Variants in MAST4 observed in about 807,000 individuals in gnomAD.
MAST4 encodes the protein microtubule-associated serine/threonine-protein kinase 4.
Under a neutral mutation model 162.7 loss-of-function variants are expected in MAST4, and 89 were observed. That is an observed-to-expected ratio of 0.55 (90% confidence interval 0.46 to 0.65). MAST4 has a LOEUF of 0.65. MAST4 is among the 30% of genes least tolerant of loss of function. MAST4 has a pLI of 0.00. For missense variants in MAST4, 3,153 were observed against 3,374.0 expected, an observed-to-expected ratio of 0.93 and a Z score of 1.62; for synonymous variants, 1,479 against 1,361.1, an observed-to-expected ratio of 1.09 and a Z score of -1.91.
intron 1 of MAST4, among the ~76,000 whole-genome samples, chr5:66,651,510 C>T (rs148827967): frequency 9.5e-4 from 145 of 152,114 alleles, no homozygotes; most frequent in African/African-American, 3.2e-3. Flanking sequence ...TAATTTGGGA[C>T]AGCAACCAAT....
intron 4 of MAST4, among the ~76,000 whole-genome samples, chr5:66,935,773 T>C (rs1742679396): frequency 1.3e-5 from 2 of 151,848 alleles, no homozygotes; most frequent in South Asian, 4.2e-4. Flanking sequence ...GTTCAAGCAA[T>C]TCTCCTGCCT....
chr5:66,881,525 G>T (rs1483017582), intron 3 of MAST4, among the ~76,000 whole-genome samples: 2 of 152,200 alleles, frequency 1.3e-5, no homozygotes, highest in Non-Finnish European at 2.9e-5. Context: ...AATTGTGACA[G>T]CCCCACCTCT....
intron 4 of MAST4, among the ~76,000 whole-genome samples, chr5:66,970,736 T>C (rs1225636673): frequency 6.6e-6 from 1 of 152,256 alleles, no homozygotes; most frequent in Non-Finnish European, 1.5e-5. Flanking sequence ...GGGAGCTTGC[T>C]ACATGCCTGG....
chr5:66,896,939 T>C (rs1223286284), intron 3 of MAST4, among the ~76,000 whole-genome samples: 1 of 152,214 alleles, frequency 6.6e-6, no homozygotes, highest in Non-Finnish European at 1.5e-5. Flanking sequence ...TTTTATTTAA[T>C]CTTTATCTTT....
intron 16 of MAST4, 130 bp from the exon 17 acceptor site, chr5:67,133,384 C>T: frequency 1.0e-6 from 1 of 962,700 alleles, no homozygotes; most frequent in South Asian, 1.7e-5. Flanking sequence ...TCTTTCCAGG[C>T]TGGGTTTTGT....
Position 67,165,315 on chromosome 5 carries a change from G to T in MAST4, c.6136G>T (p.Asp2046Tyr). 5 of 1,613,614 alleles carry T rather than the reference G, an allele frequency of 3.1e-6. No individual in the cohort carries two copies. The highest frequency in any genetic ancestry group is 4.2e-6 in the Non-Finnish European group (5 of 1,179,890). ...WAPGGKTNHK[D>Y]GPGEARPPPR... ...GCCGGGTGGGAAAACGAACCACAAA[G>T]ATGGCCCAGGTGAGGCGAGGCCCCC... Residue 2046 changes from aspartate (D) to tyrosine (Y), a missense_variant, in exon 29 of 29, where the codon GAT becomes TAT. Transcript: ENST00000403625.
At position 67,117,300 on chromosome 5, in the gene MAST4, AAGC is replaced by A. The variant is rs1351410227; in HGVS notation, c.1592-1381_1592-1379del. 5.3e-5 allele frequency among the ~76,000 whole-genome samples: 8 copies of A among 152,176 alleles called. No individual in the cohort carries two copies. The East Asian group carries it at 1.5e-3, about 29-fold the overall frequency. On this transcript the variant is annotated intron_variant, in intron 12 of 28. Transcript: ENST00000403625. The stretch of plus-strand genomic sequence containing the variant: ...ACGAAGAAAGGACATAGTTTGTGCT[AAGC>A]TCCTTTTTATTCTGGAATTTCCCCT...
intron 10 of MAST4, among the ~76,000 whole-genome samples, chr5:67,106,647 G>A (rs1238902376): frequency 1.3e-5 from 2 of 152,112 alleles, no homozygotes; most frequent in East Asian, 3.8e-4. Flanking sequence ...CTTTTATGCA[G>A]CTGCAAGAAT....
intron 4 of MAST4, among the ~76,000 whole-genome samples, chr5:66,999,197 C>T (rs1167254851): frequency 6.6e-6 from 1 of 152,172 alleles, no homozygotes; most frequent in Non-Finnish European, 1.5e-5. Context: ...TGTTTTCTGG[C>T]AGTGTGTCCA....
Position 67,165,170 on chromosome 5 carries a change from C to T in MAST4, c.5991C>T (p.Ser1997=). 2 of 1,602,860 alleles carry T rather than the reference C, an allele frequency of 1.2e-6. No homozygotes were observed. Among genetic ancestry groups the T allele is most frequent in the Non-Finnish European group, 1.7e-6 (2 of 1,174,572 alleles). Residue 1997 remains serine (S), a synonymous_variant, in exon 29 of 29, where the codon TCC becomes TCT. Transcript: ENST00000403625. ...AARADTCREP[S]MELCFPETAK... ...GGGCTGACACATGCAGAGAGCCCTCCATGGAACTGTGCTTTCCAGAAACTG... is the reference window on the plus strand; with the variant it reads ...GGGCTGACACATGCAGAGAGCCCTCTATGGAACTGTGCTTTCCAGAAACTG...
chr5:66,643,684 A>T (rs1046934216), intron 1 of MAST4, among the ~76,000 whole-genome samples: 2 of 152,054 alleles, frequency 1.3e-5, no homozygotes, highest in Non-Finnish European at 1.5e-5. Context: ...TGCTAGTCAA[A>T]GTGAATTTCT....
chr5:66,912,340 T>C (rs1341867060), intron 4 of MAST4, among the ~76,000 whole-genome samples: 2 of 152,226 alleles, frequency 1.3e-5, no homozygotes, highest in Non-Finnish European at 2.9e-5. Flanking sequence ...TATTTAAGCA[T>C]ATAAACCATA....
intron 4 of MAST4, among the ~76,000 whole-genome samples, chr5:67,021,390 CTA>C (rs1164400028): frequency 6.6e-6 from 1 of 152,144 alleles, no homozygotes; most frequent in Non-Finnish European, 1.5e-5. Context: ...TTATTTCTCA[CTA>C]TATATTGCAA....
intron 1 of MAST4, among the ~76,000 whole-genome samples, chr5:66,706,803 A>C (rs1320887898): frequency 6.6e-6 from 1 of 152,170 alleles, no homozygotes; most frequent in African/African-American, 2.4e-5. Context: ...ACTGTTGCAG[A>C]ATTACTCATT....
At position 67,163,001 on chromosome 5, in the gene MAST4, A is replaced by T. The variant is rs1773385848; in HGVS notation, c.3968-146A>T. 9.0e-7 allele frequency: 1 copy of T among 1,105,526 alleles called. No homozygotes were observed. Among genetic ancestry groups the T allele is most frequent in the South Asian group, 1.5e-5 (1 of 64,828 alleles). 68.5% of individuals were successfully genotyped at this position (1,105,526 alleles called of 1,614,324 possible). A position where few individuals can be genotyped will look rare whatever the true frequency, so the allele number is the denominator to read the frequency against. On this transcript the variant is annotated intron_variant, in intron 28 of 28. Coordinates refer to ENST00000403625, the MANE Select transcript of MAST4 (RefSeq NM_001164664.2). The surrounding 1 kb of genome is among the most constrained non-coding windows in gnomAD (Gnocchi z 7.0). ...GCTAAACCTTGGCCTGGAGAGGTTT[A>T]TCTGAAAAGTGTTTATTCCACTAGC... is the stretch of plus-strand genomic sequence containing the variant.
In MAST4 at chr5:67,166,439, A is replaced by C; in HGVS notation, c.7260A>C (p.Lys2420Asn). ...VGKGFPEARG[K>N]GPGPQKPPTE... ...AGGGCTTCCCTGAGGCCAGAGGGAA[A>C]GGGCCCGGTCCCCAGAAGCCACCGA... is the stretch of plus-strand genomic sequence containing the variant. The change falls in exon 29 of 29, where the codon AAA (lysine) becomes AAC (asparagine). Residue 2420 changes from lysine (K) to asparagine (N), a missense_variant. This residue lies in a region of MAST4 where 1,644 missense variants were observed against 1,495.0 expected (regional missense o/e 1.10). Coordinates refer to ENST00000403625, the MANE Select transcript of MAST4 (RefSeq NM_001164664.2). The C allele has an allele frequency of 6.2e-7, 1 of 1,603,414 alleles. No homozygotes were observed. The highest frequency in any genetic ancestry group is 8.5e-7 in the Non-Finnish European group (1 of 1,174,786).
chr5:66,925,156 G>T (rs1460338076), intron 4 of MAST4, among the ~76,000 whole-genome samples: 8 of 152,056 alleles, frequency 5.3e-5, no homozygotes, highest in Non-Finnish European at 1.2e-4. Context: ...TTCCAGCTGG[G>T]AAGTACTTTC....
Position 67,164,219 on chromosome 5 carries a change from C to G in MAST4, c.5040C>G (p.Asp1680Glu), listed in dbSNP as rs377195550. ...AKELLRCEKL[D>E]SKLANIDYLR... ...AGCTTCTCCGATGTGAAAAGTTAGA[C>G]AGCAAGCTGGCCAACATCGATTACC... Residue 1680 changes from aspartate (D) to glutamate (E), a missense_variant, in exon 29 of 29, where the codon GAC (aspartate) becomes GAG (glutamate). By Grantham distance (45) the Asp-to-Glu change is conservative. Transcript: ENST00000403625. The surrounding 1 kb of genome is among the most constrained non-coding windows in gnomAD (Gnocchi z 5.3). The G allele has an allele frequency of 6.2e-7, 1 of 1,613,706 alleles. No homozygotes were observed. Among genetic ancestry groups the G allele is most frequent in the Non-Finnish European group, 8.5e-7 (1 of 1,179,774 alleles).
rs553129103 is a variant in MAST4, at chr5:67,019,442, A to T, written c.675-34962A>T. Among the ~76,000 whole-genome samples, 418 of 152,346 alleles carry T rather than the reference A, an allele frequency of 2.7e-3. 4 individuals are homozygous for T. Among genetic ancestry groups the T allele is most frequent in the African/African-American group, 9.8e-3 (407 of 41,582 alleles). On this transcript the variant is annotated intron_variant, in intron 4 of 28. Transcript: ENST00000403625. ...GAAACACTCCAATTACCATCTCCCC[A>T]CAGGCTTAAATGTTAAACCTCAAGA...
Sources: gnomAD v4.1 joint callset for allele counts (sites outside exome capture counted in the v4.1 genomes callset) on GRCh38, gnomAD v4.1.1 for gene constraint, gnomAD v4.1.1 regional missense constraint, Gnocchi (gnomAD v3.1) non-coding constraint, MANE v1.5 for transcripts, NCBI Gene and HGNC (gene_info 2026-07-23, HGNC 2026-07-21) for gene names.